STAU1: variants seen among roughly 807,000 people sequenced by gnomAD.
The protein encoded by STAU1 is double-stranded RNA-binding protein Staufen homolog 1.
In STAU1, 13 loss-of-function variants were observed where a neutral mutation model predicts 62.9. The observed-to-expected ratio is 0.21, with a 90% CI of 0.13 to 0.33. The LOEUF is 0.33. Among genes scored for constraint, STAU1 ranks in the 10% least tolerant of loss-of-function variants. The pLI, the probability that STAU1 is intolerant of heterozygous loss-of-function variation, is 1.00. For synonymous variants in STAU1, 269 were observed against 265.1 expected, an observed-to-expected ratio of 1.01 and a Z score of -0.14; for missense variants, 571 against 712.1, an observed-to-expected ratio of 0.80 and a Z score of 2.25.
At chr20:49,119,154 T>C (rs1192640191) in intron 9 of STAU1, among the ~76,000 whole-genome samples, 1 of 152,228 alleles carries the variant, frequency 6.6e-6, no homozygotes, top group Non-Finnish European at 1.5e-5. Context: ...GAGGTCCTGC[T>C]TACCACTTCT....
At chr20:49,204,620 ATATGTG>A in the STAU1 span, among the ~76,000 whole-genome samples, 54 of 43,632 alleles carry the variant, frequency 1.2e-3, no homozygotes, top group African/African-American at 1.7e-3. Flanking sequence ...ATATATATAT[ATATGTG>A]TATATATATA....
chr20:49,212,421 T>C, the STAU1 span, among the ~76,000 whole-genome samples: 1 of 152,188 alleles, frequency 6.6e-6, no homozygotes, highest in Non-Finnish European at 1.5e-5. Flanking sequence ...TGATTGAATA[T>C]ATGTATTCAT....
At chr20:49,213,330 A>C in the STAU1 span, among the ~76,000 whole-genome samples, 1 of 151,944 alleles carries the variant, frequency 6.6e-6, no homozygotes, top group African/African-American at 2.4e-5. Context: ...TCCTGGATTC[A>C]AACAATTCTC....
chr20:49,183,468 C>T (rs756820838), intron 1 of STAU1, among the ~76,000 whole-genome samples: 9 of 152,062 alleles, frequency 5.9e-5, no homozygotes, highest in Non-Finnish European at 1.5e-5. Context: ...CCAGCCTGGG[C>T]GACAAACTCT....
chr20:49,134,528 G>T (rs1428450182), intron 6 of STAU1: 1 of 1,263,556 alleles, frequency 7.9e-7, no homozygotes, highest in Non-Finnish European at 1.1e-6. Context: ...CAAACTCATC[G>T]GAAACATAGC....
intron 8 of STAU1, among the ~76,000 whole-genome samples, chr20:49,121,260 A>G (rs977091597): frequency 9.2e-5 from 14 of 152,068 alleles, no homozygotes; most frequent in Non-Finnish European, 1.9e-4. Context: ...TACAAAAAGT[A>G]GCTGGGCGTG....
chr20:49,157,661 G>C (rs1016372139), intron 3 of STAU1, among the ~76,000 whole-genome samples: 3 of 152,000 alleles, frequency 2.0e-5, no homozygotes, highest in African/African-American at 7.2e-5. Flanking sequence ...TGAATTTTTA[G>C]TAGGGATGGG....
rs1454719952 is a variant in STAU1, at chr20:49,115,824, T to C, written c.1676A>G (p.Gln559Arg). ...ILKLLSELDQ[Q>R]STEMPRTGNG... ...TCCTGTTCTTGGCATCTCTGTACTT[T>C]GTTGGTCCAACTCAGACAGCAACTT... The change falls in exon 13 of 14, where the codon CAA becomes CGA. Residue 559 changes from glutamine to arginine, a missense_variant. Gln to Arg is a conservative substitution (Grantham distance 43, BLOSUM62 1). Transcript: ENST00000371856. 6.2e-7 allele frequency: 1 copy of C among 1,614,146 alleles called. No individual in the cohort carries two copies. The highest frequency in any genetic ancestry group is 8.5e-7 in the Non-Finnish European group (1 of 1,180,020).
chr20:49,181,406 G>C (rs1305167660), intron 1 of STAU1, among the ~76,000 whole-genome samples: 1 of 151,980 alleles, frequency 6.6e-6, no homozygotes, highest in Non-Finnish European at 1.5e-5. Flanking sequence ...TTTTAAATAG[G>C]ATCAGAGAAT....
intron 3 of STAU1, among the ~76,000 whole-genome samples, chr20:49,164,797 A>G (rs911991324): frequency 6.6e-6 from 1 of 152,132 alleles, no homozygotes; most frequent in Non-Finnish European, 1.5e-5. Context: ...AAGAAGAGAA[A>G]AAAAACTCTG....
chr20:49,158,415 C>T, intron 3 of STAU1: 1 of 1,304,256 alleles, frequency 7.7e-7, no homozygotes, highest in South Asian at 1.2e-5. Context: ...AATTTGGTGC[C>T]TTAAGGGGTG....
chr20:49,209,814 C>T, the STAU1 span, among the ~76,000 whole-genome samples: 476 of 151,744 alleles, frequency 3.1e-3, 3 homozygotes, highest in African/African-American at 0.011. Context: ...TTTGTGAGGC[C>T]GAGGCAGGCG....
intron 1 of STAU1, among the ~76,000 whole-genome samples, chr20:49,178,500 A>G (rs1315756275): frequency 6.6e-6 from 1 of 151,928 alleles, no homozygotes; most frequent in Non-Finnish European, 1.5e-5. Context: ...TGTAATCCCA[A>G]CACTTTGGGA....
At chr20:49,115,941 G>GAACTCTCTTGCCTGC in intron 12 of STAU1, 74 bp from the exon 13 acceptor site, 1 of 1,298,624 alleles carries the variant, frequency 7.7e-7, no homozygotes, top group Non-Finnish European at 1.1e-6. Context: ...GGTCAGGCAG[G>GAACTCTCTTGCCTGC]CAAGAGAGTT....
Position 49,143,816 on chromosome 20 carries a change from T to G in STAU1, c.510+7766A>C, listed in dbSNP as rs562420609. Among the ~76,000 whole-genome samples the G allele has an allele frequency of 6.3e-4, 96 of 152,164 alleles. 1 individual carries two copies. The highest frequency in any genetic ancestry group is 2.9e-4 in the Non-Finnish European group (20 of 68,030). On this transcript the variant is annotated intron_variant, in intron 5 of 13. Transcript: ENST00000371856. ...GAACTTAAACACAGCAAACCCAGCT[T>G]CTTATCCCAATGTTTCTAATTTGGA...
intron 5 of STAU1, among the ~76,000 whole-genome samples, chr20:49,140,983 A>T (rs1265319753): frequency 1.7e-4 from 9 of 52,978 alleles, no homozygotes; most frequent in African/African-American, 4.5e-4. Context: ...TGATCTGTTT[A>T]AAAAAAAAAA....
chr20:49,194,818 A>T, the STAU1 span, among the ~76,000 whole-genome samples: 13 of 152,066 alleles, frequency 8.5e-5, no homozygotes, highest in South Asian at 6.2e-4. Flanking sequence ...ACCTCAAGTG[A>T]TCCACCCACC....
chr20:49,215,879 A>G, the STAU1 span, among the ~76,000 whole-genome samples: 1 of 151,834 alleles, frequency 6.6e-6, no homozygotes, highest in African/African-American at 2.4e-5. Context: ...GTGGTGGCAC[A>G]TGCCTATAAT....
At chr20:49,211,365 A>ATT in the STAU1 span, among the ~76,000 whole-genome samples, 2 of 140,542 alleles carry the variant, frequency 1.4e-5, no homozygotes, top group Non-Finnish European at 3.1e-5. Context: ...TCATATAGTA[A>ATT]TTCTTTTTTT....
Sources: allele counts gnomAD v4.1 joint callset (sites outside exome capture counted in the v4.1 genomes callset), GRCh38; gene constraint gnomAD v4.1.1; transcripts MANE v1.5; gene names NCBI Gene and HGNC (gene_info 2026-07-23, HGNC 2026-07-21).